BEND7: variants seen among roughly 807,000 people sequenced by gnomAD.
BEND7 encodes the protein BEN domain-containing protein 7.
In BEND7, 28 loss-of-function variants were observed where a neutral mutation model predicts 50.9. The observed-to-expected ratio is 0.55, with a 90% CI of 0.41 to 0.75. The LOEUF (loss-of-function observed/expected upper bound fraction) is 0.75. Among genes scored for constraint, BEND7 ranks in the 30% least tolerant of loss-of-function variants. The pLI is 0.00. For synonymous variants in BEND7, 170 were observed against 183.9 expected, an observed-to-expected ratio of 0.92 and a Z score of 0.61; for missense variants, 477 against 491.3, an observed-to-expected ratio of 0.97 and a Z score of 0.28.
intron 2 of BEND7, among the ~76,000 whole-genome samples, chr10:13,525,309 A>G (rs2079379156): frequency 6.6e-6 from 1 of 152,220 alleles, no homozygotes; most frequent in African/African-American, 2.4e-5. Context: ...CTGCACATCC[A>G]AAGTCTTTCC....
At chr10:13,519,287 A>G (rs1377141854) in intron 2 of BEND7, among the ~76,000 whole-genome samples, 2 of 149,778 alleles carry the variant, frequency 1.3e-5, no homozygotes, top group East Asian at 2.0e-4. Context: ...CCTGGCTAAC[A>G]TGGTGAAACC....
At chr10:13,482,166 T>A (rs1341577439) in intron 5 of BEND7, among the ~76,000 whole-genome samples, 3 of 152,196 alleles carry the variant, frequency 2.0e-5, no homozygotes, top group African/African-American at 7.2e-5. Flanking sequence ...AGACTTTGTA[T>A]CTCTAGGATC....
At chr10:13,516,146 G>C (rs2078654373) in intron 2 of BEND7, among the ~76,000 whole-genome samples, 2 of 152,202 alleles carry the variant, frequency 1.3e-5, no homozygotes, top group African/African-American at 2.4e-5. Context: ...ACTACAGTAG[G>C]AATACAGCAT....
chr10:13,440,643 G>A (rs1835203633), downstream of BEND7, among the ~76,000 whole-genome samples: 2 of 152,256 alleles, frequency 1.3e-5, no homozygotes, highest in African/African-American at 4.8e-5. Flanking sequence ...GGTGCCCGGC[G>A]AGGAGTGGCG....
intron 6 of BEND7, among the ~76,000 whole-genome samples, chr10:13,463,759 TA>T (rs1203263105): frequency 6.6e-6 from 1 of 152,152 alleles, no homozygotes; most frequent in Admixed American, 6.5e-5. Context: ...TTCGGTAAGA[TA>T]AAAGACATTG....
intron 7 of BEND7, among the ~76,000 whole-genome samples, chr10:13,452,324 A>G (rs897595433): frequency 1.3e-5 from 2 of 152,248 alleles, no homozygotes; most frequent in Admixed American, 1.3e-4. Context: ...GTACTATTCA[A>G]TGCAAGTGGC....
chr10:13,449,674 C>T (rs1837263611), intron 7 of BEND7, among the ~76,000 whole-genome samples: 1 of 152,158 alleles, frequency 6.6e-6, no homozygotes, highest in African/African-American at 2.4e-5. Context: ...ATAACAAGAT[C>T]AGTTTTGGGT....
intron 6 of BEND7, among the ~76,000 whole-genome samples, chr10:13,457,459 T>C (rs1338207609): frequency 6.6e-6 from 1 of 152,216 alleles, no homozygotes; most frequent in African/African-American, 2.4e-5. Flanking sequence ...GTCTCCTGGG[T>C]CTGTGTCTAA....
chr10:13,527,852 T>A, intron 1 of BEND7: 1 of 984,156 alleles, frequency 1.0e-6, no homozygotes, highest in Non-Finnish European at 1.2e-6. Context: ...ACCTGTTAAT[T>A]CGTCAGAAAC....
chr10:13,505,040 G>A (rs1394464360), intron 2 of BEND7, among the ~76,000 whole-genome samples: 1 of 152,268 alleles, frequency 6.6e-6, no homozygotes, highest in Non-Finnish European at 1.5e-5. Context: ...AGGTAATCAC[G>A]ATAAAAGATG....
At chr10:13,508,694 T>G (rs533813577) in intron 2 of BEND7, among the ~76,000 whole-genome samples, 1 of 152,316 alleles carries the variant, frequency 6.6e-6, no homozygotes, top group African/African-American at 2.4e-5. Context: ...GTTGAGATAC[T>G]ATCAGGTTCA....
Position 13,463,234 on chromosome 10 carries a change from A to G in BEND7, c.1064-10576T>C, listed in dbSNP as rs1588714994. Among the ~76,000 whole-genome samples the G allele has an allele frequency of 5.3e-5, 8 of 152,234 alleles. No homozygotes were observed. The South Asian group carries it at 1.7e-3, about 32-fold the overall frequency. On this transcript the variant is annotated intron_variant, in intron 6 of 8. Transcript: ENST00000466271. The stretch of plus-strand genomic sequence containing the variant: ...AAGCTTAGCATTCCAATAATGGAAC[A>G]CTAGGCAGAAATGGTTCAGCCCATT...
Position 13,499,874 on chromosome 10 carries a change from T to G in BEND7, c.352A>C (p.Asn118His). The change falls in exon 3 of 9, where the codon AAT becomes CAT. Residue 118 changes from asparagine (N) to histidine (H), a missense_variant. Coordinates refer to ENST00000466271, the MANE Select transcript of BEND7 (RefSeq NM_001369863.1). ...TGTCCACTCTGGGGCGGTAGCTCAT[T>G]CCACACACCACGTGAAGACGGGTGG... The part of the protein sequence containing the change: ...SLHPSSRGVW[N>H]ELPPQSGQFS... 6.2e-7 allele frequency: 1 copy of G among 1,614,132 alleles called. No individual in the cohort carries two copies. Among genetic ancestry groups the G allele is most frequent in the Admixed American group, 1.7e-5 (1 of 60,010 alleles).
chr10:13,459,318 G>A (rs1462935556), intron 6 of BEND7, among the ~76,000 whole-genome samples: 1 of 152,172 alleles, frequency 6.6e-6, no homozygotes, highest in African/African-American at 2.4e-5. Context: ...TGGGCCGTGG[G>A]TAGGATGGAT....
chr10:13,469,570 G>A (rs534299545), intron 6 of BEND7, among the ~76,000 whole-genome samples: 4 of 152,198 alleles, frequency 2.6e-5, no homozygotes, highest in Admixed American at 1.3e-4. Context: ...TCCACCTCCC[G>A]GGTTCAAGTG....
chr10:13,448,534 G>A (rs1836940390), intron 7 of BEND7, among the ~76,000 whole-genome samples: 1 of 152,200 alleles, frequency 6.6e-6, no homozygotes, highest in South Asian at 2.1e-4. Flanking sequence ...GCTACGGCTA[G>A]AAATATTGTA....
intron 6 of BEND7, among the ~76,000 whole-genome samples, chr10:13,472,077 C>T (rs1207712622): frequency 6.6e-6 from 1 of 152,204 alleles, no homozygotes; most frequent in Non-Finnish European, 1.5e-5. Flanking sequence ...CCCGTCATCA[C>T]TGTTAGACTC....
At chr10:13,463,680 G>A (rs2073946470) in intron 6 of BEND7, among the ~76,000 whole-genome samples, 1 of 152,168 alleles carries the variant, frequency 6.6e-6, no homozygotes, top group Non-Finnish European at 1.5e-5. Flanking sequence ...TGAGTAGGGA[G>A]GATCTTTTAA....
chr10:13,481,163 T>C (rs752011041), intron 5 of BEND7, 39 bp from the exon 6 acceptor site: 2 of 1,599,876 alleles, frequency 1.3e-6, no homozygotes, highest in South Asian at 2.2e-5. Flanking sequence ...AAAGCAAGAT[T>C]TGAAGCATCT....
Sources: gnomAD v4.1 joint callset for allele counts (sites outside exome capture counted in the v4.1 genomes callset) on GRCh38, gnomAD v4.1.1 for gene constraint, MANE v1.5 for transcripts, NCBI Gene and HGNC (gene_info 2026-07-23, HGNC 2026-07-21) for gene names.